The following RAVER1 variants were observed in gnomAD, a reference collection of about 807,000 sequenced individuals.
RAVER1 encodes the protein ribonucleoprotein PTB-binding 1.
A neutral mutation model predicts 68.4 loss-of-function variants in RAVER1; 36 were observed. The observed-to-expected ratio is 0.53, with a 90% CI of 0.40 to 0.70. RAVER1 has a LOEUF of 0.70. RAVER1 is among the 30% of genes least tolerant of loss of function. The pLI, the probability that RAVER1 is intolerant of heterozygous loss-of-function variation, is 0.00. For synonymous variants in RAVER1, 469 were observed against 472.7 expected, an observed-to-expected ratio of 0.99 and a Z score of 0.10; for missense variants, 933 against 1,019.8, an observed-to-expected ratio of 0.91 and a Z score of 1.16.
chr19:10,326,866 A>C (rs1458582419), intron 3 of RAVER1, among the ~76,000 whole-genome samples: 2 of 150,704 alleles, frequency 1.3e-5, no homozygotes, highest in Admixed American at 6.7e-5. Flanking sequence ...TCCCAGGTAC[A>C]AGCGATTCTC....
rs759181574 is a variant in RAVER1 at position 10,320,918 on chromosome 19, G to A, written c.1507C>T (p.Arg503Trp). The change falls in exon 9 of 13, where the codon CGG becomes TGG. Residue 503 changes from arginine to tryptophan, a missense_variant. By Grantham distance (101) the Arg-to-Trp change is moderately radical (BLOSUM62 -3). Transcript: ENST00000617231. ...TTCAGGTAGGGATTCAGGGGAATCC[G>A]GTAGTCCTTGGGGGGCTCCCCCAGC... ...SLLGEPPKDY[R>W]IPLNPYLNLH... 12 of 1,501,158 alleles carry A rather than the reference G, an allele frequency of 8.0e-6. No homozygotes were observed. The African/African-American group carries it at 1.0e-4, about 13-fold the overall frequency. 93.0% of individuals were successfully genotyped at this position (1,501,158 alleles called of 1,614,324 possible). A position where few individuals can be genotyped will look rare whatever the true frequency, so the allele number is the denominator to read the frequency against.
In RAVER1 at chr19:10,319,295, T is replaced by G. The variant is rs1230677253; in HGVS notation, c.1771-55A>C. Reference sequence around the variant, plus strand: ...TTGGAGTCTGTCCCAGCCTCACCCCTGGCTGAACTCCATGGCAGAGCTGTC... The same window carrying G: ...TTGGAGTCTGTCCCAGCCTCACCCCGGGCTGAACTCCATGGCAGAGCTGTC... On this transcript the variant is annotated intron_variant, in intron 9 of 12. Coordinates refer to ENST00000617231, the MANE Select transcript of RAVER1 (RefSeq NM_133452.3). 7.8e-6 allele frequency: 12 copies of G among 1,545,320 alleles called. No homozygotes were observed. In the East Asian group the frequency reaches 2.5e-4, roughly 32 times the overall value.
intron 3 of RAVER1, among the ~76,000 whole-genome samples, chr19:10,326,643 C>T (rs569868608): frequency 2.0e-5 from 3 of 151,242 alleles, no homozygotes; most frequent in Admixed American, 6.6e-5. Flanking sequence ...TTAGTAGAGA[C>T]GGGATTTCTC....
chr19:10,328,619 CCAATGCTCTCCA>C lies in RAVER1; in HGVS notation c.756+11_756+22del. ...GTGCTCCGGGCCTGGCACCTGCTCCCCAATGCTCTCCACAGGGCTCACCTGGCAGAAGGTGGG... is the reference window on the plus strand; with the variant it reads ...GTGCTCCGGGCCTGGCACCTGCTCCCCAGGGCTCACCTGGCAGAAGGTGGG... On this transcript the variant is annotated intron_variant, in intron 3 of 12. Transcript: ENST00000617231. This position sits in a 1 kb window ranked among gnomAD's most constrained non-coding sequence, Gnocchi z 4.4. 6.6e-7 allele frequency: 1 copy of C among 1,510,692 alleles called. No individual in the cohort carries two copies. Among genetic ancestry groups the C allele is most frequent in the African/African-American group, 1.4e-5 (1 of 72,484 alleles). The allele number at this position is 1,510,692 out of a possible 1,614,324, so 93.6% of individuals were successfully genotyped here.
At position 10,321,612 on chromosome 19, in the gene RAVER1, C is replaced by T. The variant is rs111778915; in HGVS notation, c.1180G>A (p.Gly394Ser). 4.0e-5 allele frequency: 56 copies of T among 1,411,438 alleles called. No homozygotes were observed. The highest frequency in any genetic ancestry group is 5.2e-5 in the Non-Finnish European group (56 of 1,078,152). 87.4% of individuals were successfully genotyped at this position (1,411,438 alleles called of 1,614,324 possible). ...CCCAGGGGTGAGTCTCCCAGGATGC[C>T]GGGCTTCTAGGGACAGAGCACAGAC... Reference protein sequence around the residue: ...ALQTQGQKKPGILGDSPLGAL... With the variant: ...ALQTQGQKKPSILGDSPLGAL... The change falls in exon 7 of 13, where the codon GGC becomes AGC. Residue 394 changes from glycine (G) to serine (S), a missense_variant. By Grantham distance (56) the Gly-to-Ser change is moderately conservative. Transcript: ENST00000617231.
intron 3 of RAVER1, among the ~76,000 whole-genome samples, chr19:10,324,815 G>C (rs2040463159): frequency 6.6e-6 from 1 of 152,146 alleles, no homozygotes; most frequent in Admixed American, 6.6e-5. Context: ...CCTCCATTCA[G>C]CTGGGTCACC....
rs902711025 is a variant in RAVER1 at position 10,319,321 on chromosome 19, A to G, written c.1771-81T>C. ...GGCTGAACTCCATGGCAGAGCTGTC[A>G]TCAGGGAAGACAGTCCCCACCACTC... On this transcript the variant is annotated intron_variant, in intron 9 of 12. Coordinates refer to ENST00000617231, the MANE Select transcript of RAVER1 (RefSeq NM_133452.3). The G allele has an allele frequency of 5.7e-6, 8 of 1,396,674 alleles. No homozygotes were observed. In the African/African-American group the frequency reaches 7.1e-5, roughly 12 times the overall value. The allele number at this position is 1,396,674 out of a possible 1,614,324, so 86.5% of individuals were successfully genotyped here.
At position 10,328,577 on chromosome 19, in the gene RAVER1, T is replaced by G; in HGVS notation, c.756+65A>C. 9.2e-7 allele frequency: 1 copy of G among 1,086,898 alleles called. No individual in the cohort carries two copies. The highest frequency in any genetic ancestry group is 1.3e-6 in the Non-Finnish European group (1 of 763,168). 67.3% of individuals were successfully genotyped at this position (1,086,898 alleles called of 1,614,324 possible). ...AAAAAAAAAAGAAAAGGCAGATGAC[T>G]CCAAAGACTCTCTCAGGTGCTCCGG... On this transcript the variant is annotated intron_variant, in intron 3 of 12. Coordinates refer to ENST00000617231, the MANE Select transcript of RAVER1 (RefSeq NM_133452.3). The surrounding 1 kb of genome is among the most constrained non-coding windows in gnomAD (Gnocchi z 4.4).
chr19:10,331,397 A>AC (rs2040517021), intron 1 of RAVER1, among the ~76,000 whole-genome samples: 2 of 144,860 alleles, frequency 1.4e-5, no homozygotes, highest in East Asian at 4.0e-4. Flanking sequence ...CAACAACAAA[A>AC]AAAAAAAAAA....
chr19:10,321,622 G>A lies in RAVER1; in HGVS notation c.1174-4C>T, dbSNP rs202018001. On this transcript the variant is annotated splice_region_variant and splice_polypyrimidine_tract_variant and intron_variant, in intron 6 of 12. Transcript: ENST00000617231. ...AGTCTCCCAGGATGCCGGGCTTCTA[G>A]GGACAGAGCACAGACAGTTGCAGAT... 34 of 1,415,226 alleles carry A rather than the reference G, an allele frequency of 2.4e-5. No homozygotes were observed. In the East Asian group the frequency reaches 9.1e-4, roughly 38 times the overall value. The allele number at this position is 1,415,226 out of a possible 1,614,324, so 87.7% of individuals were successfully genotyped here. A position where few individuals can be genotyped will look rare whatever the true frequency, so the allele number is the denominator to read the frequency against.
In RAVER1 at chr19:10,322,888, AGAAGGGGCAG is replaced by A; in HGVS notation, c.1079-159_1079-150del. On this transcript the variant is annotated intron_variant, in intron 5 of 12. Transcript: ENST00000617231. The surrounding 1 kb of genome is among the most constrained non-coding windows in gnomAD (Gnocchi z 4.3). ...GTGGACTTGCCCAAAGGAAGGGCCT[AGAAGGGGCAG>A]AGGCTACTCCAGTGAAGGTCAGCCC... is the stretch of plus-strand genomic sequence containing the variant. 1.7e-6 allele frequency: 1 copy of A among 573,658 alleles called. No individual in the cohort carries two copies. The highest frequency in any genetic ancestry group is 3.0e-6 in the Non-Finnish European group (1 of 336,972). 35.5% of individuals were successfully genotyped at this position (573,658 alleles called of 1,614,324 possible).
chr19:10,324,639 A>G (rs2040462178), intron 3 of RAVER1, among the ~76,000 whole-genome samples: 3 of 152,190 alleles, frequency 2.0e-5, no homozygotes, highest in South Asian at 4.1e-4. Context: ...TTGGCCTCCC[A>G]AAGTGCTGGA....
At chr19:10,331,177 G>A (rs1483475748) in intron 1 of RAVER1, among the ~76,000 whole-genome samples, 2 of 148,602 alleles carry the variant, frequency 1.3e-5, no homozygotes, top group African/African-American at 2.5e-5. Flanking sequence ...GTGAAACCCC[G>A]TCTCTACTAA....
chr19:10,329,067 T>G lies in RAVER1; in HGVS notation c.331A>C (p.Asn111His). The G allele has an allele frequency of 6.6e-7, 1 of 1,518,786 alleles. No homozygotes were observed. The highest frequency in any genetic ancestry group is 1.3e-5 in the South Asian group (1 of 76,686). 94.1% of individuals were successfully genotyped at this position (1,518,786 alleles called of 1,614,324 possible). The stretch of plus-strand genomic sequence containing the variant: ...CGCAGGCGGCTCTGGTGGAAAGCAT[T>G]GATTGCGGCCTCGGCCTGCTCCCCA... ...LNGEQAEAAI[N>H]AFHQSRLRER... Residue 111 changes from asparagine to histidine, a missense_variant, in exon 3 of 13, where the codon AAT becomes CAT. Physicochemically the swap from Asn to His is moderately conservative, Grantham distance 68. This residue lies in a region of RAVER1 where 211 missense variants were observed against 230.0 expected (regional missense o/e 0.92). Coordinates refer to ENST00000617231, the MANE Select transcript of RAVER1 (RefSeq NM_133452.3). The surrounding 1 kb of genome is among the most constrained non-coding windows in gnomAD (Gnocchi z 4.6).
Position 10,333,388 on chromosome 19 carries a change from A to T in RAVER1, c.120T>A (p.Asp40Glu), listed in dbSNP as rs758603661. ...CCAGGCGTTTCCGGATCTCTTCTGG[A>T]TCTAGAGGCGGCAGCTCTTCTTCCG... The part of the protein sequence containing the change: ...RAPEEELPPL[D>E]PEEIRKRLEH... The change falls in exon 1 of 13, where the codon GAT (aspartate) becomes GAA (glutamate). Residue 40 changes from aspartate (D) to glutamate (E), a missense_variant. Coordinates refer to ENST00000617231, the MANE Select transcript of RAVER1 (RefSeq NM_133452.3). The surrounding 1 kb of genome is among the most constrained non-coding windows in gnomAD (Gnocchi z 4.2). 6.2e-7 allele frequency: 1 copy of T among 1,613,572 alleles called. No homozygotes were observed. Among genetic ancestry groups the T allele is most frequent in the Non-Finnish European group, 8.5e-7 (1 of 1,179,772 alleles).
rs370395857 is a variant in RAVER1, at chr19:10,333,341, C to T, written c.167G>A (p.Arg56His). The change falls in exon 1 of 13, where the codon CGT becomes CAT. Residue 56 changes from arginine to histidine, a missense_variant. This residue lies in a region of RAVER1 where 211 missense variants were observed against 230.0 expected (regional missense o/e 0.92). Transcript: ENST00000617231. This position sits in a 1 kb window ranked among gnomAD's most constrained non-coding sequence, Gnocchi z 4.2. ...KRLEHTERQF[R>H]NRRKILIRGL... ...CCGGATCAGTATCTTGCGGCGGTTA[C>T]GGAACTGGCGCTCGGTGTGTTCCAG... The T allele has an allele frequency of 6.6e-5, 106 of 1,613,632 alleles. No individual in the cohort carries two copies. The highest frequency in any genetic ancestry group is 8.1e-5 in the Non-Finnish European group (96 of 1,179,734).
intron 1 of RAVER1, among the ~76,000 whole-genome samples, chr19:10,331,449 A>C (rs1468249068): frequency 7.2e-6 from 1 of 139,424 alleles, no homozygotes; most frequent in Non-Finnish European, 1.5e-5. Context: ...AGCACTTTGG[A>C]GGCTGAGGCA....
rs532054858 is a variant in RAVER1 at position 10,321,117 on chromosome 19, A to C, written c.1404T>G (p.Pro468=). ...PAAQLTPPPA[P]VGLRGSGLRG... Reference sequence around the variant, plus strand: ...TGAGGCCAGAGCCTCGGAGCCCCACAGGGGCGGGGGGAGGAGTGAGCTGGG... The same window carrying C: ...TGAGGCCAGAGCCTCGGAGCCCCACCGGGGCGGGGGGAGGAGTGAGCTGGG... Residue 468 remains proline, a synonymous_variant, in exon 8 of 13, where the codon CCT becomes CCG. Transcript: ENST00000617231. 335 of 1,315,622 alleles carry C rather than the reference A, an allele frequency of 2.5e-4. 4 individuals are homozygous for C. In the East Asian group the frequency reaches 9.4e-3, roughly 37 times the overall value. 81.5% of individuals were successfully genotyped at this position (1,315,622 alleles called of 1,614,324 possible). A position where few individuals can be genotyped will look rare whatever the true frequency, so the allele number is the denominator to read the frequency against.
In RAVER1 at chr19:10,323,543, C is replaced by T; in HGVS notation, c.780G>A (p.Gln260=). 1 of 1,596,476 alleles carries T rather than the reference C, an allele frequency of 6.3e-7. No individual in the cohort carries two copies. The highest frequency in any genetic ancestry group is 8.5e-7 in the Non-Finnish European group (1 of 1,173,278). The change falls in exon 4 of 13, where the codon CAG becomes CAA. Residue 260 remains glutamine, a synonymous_variant. Coordinates refer to ENST00000617231, the MANE Select transcript of RAVER1 (RefSeq NM_133452.3). The surrounding 1 kb of genome is among the most constrained non-coding windows in gnomAD (Gnocchi z 6.2). ...FCQLACGQDG[Q]LKGFAVLEYE... ...ACTCCAGCACCGCGAAGCCCTTCAG[C>T]TGCCCATCCTGGCCGCACGCCAGCT...
Sources: allele counts gnomAD v4.1 joint callset (sites outside exome capture counted in the v4.1 genomes callset), GRCh38; gene constraint gnomAD v4.1.1; regional missense constraint gnomAD v4.1.1; non-coding constraint Gnocchi (gnomAD v3.1); transcripts MANE v1.5; gene names NCBI Gene and HGNC (gene_info 2026-07-23, HGNC 2026-07-21).